The following TBCK variants were observed in gnomAD, a reference collection of about 807,000 sequenced individuals.
TBCK encodes the protein TBC domain-containing protein kinase-like protein.
In TBCK, 99 loss-of-function variants were observed where a neutral mutation model predicts 113.4. The ratio of observed to expected loss-of-function variants is 0.87; its 90% CI spans 0.74 to 1.03. TBCK has a LOEUF of 1.03. TBCK is among the 50% of genes least tolerant of loss of function. The pLI is 0.00. For synonymous variants in TBCK, 369 were observed against 370.8 expected (o/e 1.00, Z 0.05); for missense variants, 1,045 against 1,061.3 (o/e 0.98, Z 0.21).
chr4:106,091,471 A>G (rs1162951950), intron 25 of TBCK, among the ~76,000 whole-genome samples: 1 of 152,188 alleles, frequency 6.6e-6, no homozygotes, highest in Non-Finnish European at 1.5e-5. Flanking sequence ...ACAGTTCTTA[A>G]AGGCAGCGCG....
At chr4:106,091,250 C>G (rs1453630772) in intron 25 of TBCK, among the ~76,000 whole-genome samples, 1 of 152,154 alleles carries the variant, frequency 6.6e-6, no homozygotes, top group African/African-American at 2.4e-5. Flanking sequence ...TGAGCAGGAA[C>G]AAGAGAAAGG....
chr4:106,236,381 A>G lies in TBCK; in HGVS notation c.1350+9T>C. On this transcript the variant is annotated intron_variant, in intron 14 of 25. Transcript: ENST00000394708. Reference sequence around the variant, plus strand: ...CTATTGTTAACACTTTATACTTTAGAATCCATACCTTTAGCAGCCTGTCGA... The same window carrying G: ...CTATTGTTAACACTTTATACTTTAGGATCCATACCTTTAGCAGCCTGTCGA... 6.8e-7 allele frequency: 1 copy of G among 1,462,132 alleles called. No homozygotes were observed. The highest frequency in any genetic ancestry group is 9.0e-7 in the Non-Finnish European group (1 of 1,104,976). 90.6% of individuals were successfully genotyped at this position (1,462,132 alleles called of 1,614,324 possible).
intron 3 of TBCK, among the ~76,000 whole-genome samples, chr4:106,267,436 C>G (rs1430103288): frequency 6.6e-6 from 1 of 151,698 alleles, no homozygotes. Flanking sequence ...TACAAACAAG[C>G]CTATAGTATA....
chr4:106,225,140 C>A (rs1758097186), intron 19 of TBCK, among the ~76,000 whole-genome samples: 1 of 152,084 alleles, frequency 6.6e-6, no homozygotes, highest in Non-Finnish European at 1.5e-5. Flanking sequence ...TACTGAAAGA[C>A]TAAATTAATT....
intron 3 of TBCK, among the ~76,000 whole-genome samples, chr4:106,291,894 A>G (rs1001674394): frequency 1.4e-4 from 21 of 152,254 alleles, no homozygotes; most frequent in African/African-American, 4.8e-4. Context: ...ACCATGGTAC[A>G]CAATTCAGAC....
At chr4:106,086,399 G>A (rs1739523090) in intron 25 of TBCK, among the ~76,000 whole-genome samples, 1 of 152,180 alleles carries the variant, frequency 6.6e-6, no homozygotes, top group African/African-American at 2.4e-5. Flanking sequence ...TTGAATCCCT[G>A]AATATACCAA....
chr4:106,221,205 G>A (rs546414597), intron 19 of TBCK, among the ~76,000 whole-genome samples: 4 of 152,030 alleles, frequency 2.6e-5, no homozygotes, highest in Non-Finnish European at 4.4e-5. Context: ...GGCTGGTCTC[G>A]AACTCCTGAC....
chr4:106,065,023 G>A (rs1736475228), intron 25 of TBCK, among the ~76,000 whole-genome samples: 1 of 151,858 alleles, frequency 6.6e-6, no homozygotes, highest in Admixed American at 6.6e-5. Context: ...TTAGAAGTAG[G>A]GTAATGTGGG....
At chr4:106,081,820 G>A (rs1442517139) in intron 25 of TBCK, among the ~76,000 whole-genome samples, 2 of 152,088 alleles carry the variant, frequency 1.3e-5, no homozygotes, top group Non-Finnish European at 2.9e-5. Context: ...CTCAAAATAA[G>A]AAATATATGC....
At chr4:106,077,556 G>A (rs1738356290) in intron 25 of TBCK, among the ~76,000 whole-genome samples, 1 of 151,584 alleles carries the variant, frequency 6.6e-6, no homozygotes, top group Admixed American at 6.6e-5. Flanking sequence ...AACAACAATC[G>A]AACAAAGAAA....
At chr4:106,151,657 T>C (rs1313218992) in intron 23 of TBCK, among the ~76,000 whole-genome samples, 2 of 152,062 alleles carry the variant, frequency 1.3e-5, no homozygotes, top group African/African-American at 2.4e-5. Context: ...AGGGATTGCA[T>C]TAAATCTGTA....
chr4:106,297,159 C>T (rs1766402105), intron 2 of TBCK, among the ~76,000 whole-genome samples: 1 of 152,112 alleles, frequency 6.6e-6, no homozygotes, highest in South Asian at 2.1e-4. Context: ...ACTGTTTTCT[C>T]ATCTATTCCC....
At chr4:106,096,115 A>T (rs1740872702) in intron 24 of TBCK, among the ~76,000 whole-genome samples, 1 of 152,208 alleles carries the variant, frequency 6.6e-6, no homozygotes, top group Non-Finnish European at 1.5e-5. Context: ...ACATTCCAGT[A>T]GGCATTGTTT....
intron 5 of TBCK, among the ~76,000 whole-genome samples, chr4:106,254,649 C>T (rs1165671319): frequency 1.3e-5 from 2 of 151,918 alleles, no homozygotes; most frequent in African/African-American, 4.8e-5. Flanking sequence ...TTTCTTGATT[C>T]ATCTAGAATT....
At chr4:106,101,055 C>A (rs1226933142) in intron 24 of TBCK, among the ~76,000 whole-genome samples, 2 of 152,134 alleles carry the variant, frequency 1.3e-5, no homozygotes, top group Admixed American at 6.6e-5. Context: ...TATTATACTG[C>A]AATTATCTAT....
At chr4:106,300,971 G>A (rs1380369971) in intron 2 of TBCK, among the ~76,000 whole-genome samples, 1 of 151,904 alleles carries the variant, frequency 6.6e-6, no homozygotes, top group Non-Finnish European at 1.5e-5. Context: ...ATAAATATGA[G>A]CAGAATTGAA....
chr4:106,234,223 T>G (rs1191710200), intron 15 of TBCK, among the ~76,000 whole-genome samples: 3 of 152,148 alleles, frequency 2.0e-5, no homozygotes, highest in African/African-American at 7.2e-5. Context: ...GAGACATTAA[T>G]TTAATGAGAG....
chr4:106,314,082 A>AT (rs898677164), intron 1 of TBCK, among the ~76,000 whole-genome samples: 2 of 151,836 alleles, frequency 1.3e-5, no homozygotes. Context: ...TAAACATTTT[A>AT]TTTTTTTTAT....
At chr4:106,308,263 AAG>A (rs1454456588) in intron 2 of TBCK, among the ~76,000 whole-genome samples, 6 of 152,252 alleles carry the variant, frequency 3.9e-5, no homozygotes, top group Non-Finnish European at 8.8e-5. Context: ...CCTTATCCTC[AAG>A]AACTAAGAAT....
Sources: allele counts gnomAD v4.1 joint callset (sites outside exome capture counted in the v4.1 genomes callset), GRCh38; gene constraint gnomAD v4.1.1; transcripts MANE v1.5; gene names NCBI Gene and HGNC (gene_info 2026-07-23, HGNC 2026-07-21).